NOC4L: variants seen among roughly 807,000 people sequenced by gnomAD.
NOC4L encodes nucleolar complex associated 4 homolog, also known as nucleolar complex protein 4 homolog.
Under a neutral mutation model 62.8 loss-of-function variants are expected in NOC4L, and 40 were observed. The observed-to-expected ratio is 0.64, with a 90% CI of 0.49 to 0.83. The LOEUF is 0.83. Ranked by LOEUF, NOC4L falls within the 40% of genes least tolerant of loss-of-function variation. The pLI is 0.00. For missense variants in NOC4L, 927 were observed against 701.9 expected (o/e 1.32, Z -3.62); for synonymous variants, 433 against 299.8 (o/e 1.44, Z -4.59).
chr12:132,151,074 C>A, intron 10 of NOC4L, 33 bp downstream of exon 10: 2 of 1,581,128 alleles, frequency 1.3e-6, no homozygotes, highest in Non-Finnish European at 1.7e-6. Flanking sequence ...GTCTTCTTCC[C>A]AGTCTGCCCA....
intron 9 of NOC4L, 41 bp downstream of exon 9, chr12:132,148,936 CT>C: frequency 1.8e-6 from 1 of 550,902 alleles, no homozygotes; most frequent in South Asian, 2.3e-5. Context: ...CCCTAATCCC[CT>C]CGGTGAGTGC....
chr12:132,148,536 G>A (rs1330169702), intron 7 of NOC4L, 73 bp from the exon 8 acceptor site: 5 of 1,508,110 alleles, frequency 3.3e-6, no homozygotes, highest in Non-Finnish European at 4.5e-6. Flanking sequence ...TGGGCTTCGG[G>A]GTGCCCTGGC....
At position 132,147,870 on chromosome 12, in the gene NOC4L, G is replaced by A. The variant is rs531572514; in HGVS notation, c.604-10G>A. The A allele has an allele frequency of 1.9e-6, 3 of 1,609,546 alleles. No individual in the cohort carries two copies. The highest frequency in any genetic ancestry group is 2.5e-6 in the Non-Finnish European group (3 of 1,179,592). ...GGGCGGCGTCCAGGCACTCAGGCCA[G>A]GCTCCGCAGGTGCCCCCCGCCTTTT... On this transcript the variant is annotated splice_polypyrimidine_tract_variant and intron_variant, in intron 5 of 14. Transcript: ENST00000330579.
chr12:132,151,891 C>G, intron 13 of NOC4L, 71 bp downstream of exon 13: 1 of 1,468,856 alleles, frequency 6.8e-7, no homozygotes, highest in Non-Finnish European at 9.4e-7. Context: ...CCCAGCTCCC[C>G]GTGCCACCTC....
chr12:132,151,192 C>G, intron 10 of NOC4L, 66 bp from the exon 11 acceptor site: 1 of 1,476,936 alleles, frequency 6.8e-7, no homozygotes, highest in African/African-American at 1.4e-5. Flanking sequence ...CGAGTGAGAC[C>G]CTGGCCTTGG....
chr12:132,146,262 T>C (rs901541330), intron 3 of NOC4L: 2 of 455,954 alleles, frequency 4.4e-6, no homozygotes, highest in African/African-American at 4.0e-5. Context: ...AGGGGGATCA[T>C]ACGGTATGTG....
At chr12:132,144,720 G>A (rs1365691460) in intron 1 of NOC4L, 115 bp downstream of exon 1, 26 of 1,460,716 alleles carry the variant, frequency 1.8e-5, no homozygotes, top group East Asian at 1.2e-4. Context: ...GGTCAGGGTG[G>A]GAGGCGTGTG....
rs1189440558 is a variant in NOC4L at position 132,145,407 on chromosome 12, AGCACAGGTCTGGGGGCC to A, written c.239-151_239-135del. 8.5e-6 allele frequency: 5 copies of A among 585,262 alleles called. No individual in the cohort carries two copies. In the African/African-American group the frequency reaches 9.3e-5, roughly 11 times the overall value. The allele number at this position is 585,262 out of a possible 1,614,324, so 36.3% of individuals were successfully genotyped here. On this transcript the variant is annotated intron_variant, in intron 2 of 14. Coordinates refer to ENST00000330579, the MANE Select transcript of NOC4L (RefSeq NM_024078.3). The stretch of plus-strand genomic sequence containing the variant: ...AGGGCTCAGGGAATGTGCTGGTCTC[AGCACAGGTCTGGGGGCC>A]TTAGCGACCTGTTTCCACCTGCGGA...
At chr12:132,147,419 C>T (rs1200633032) in intron 4 of NOC4L, 31 bp downstream of exon 4, 24 of 1,519,206 alleles carry the variant, frequency 1.6e-5, no homozygotes, top group Non-Finnish European at 2.1e-5. Flanking sequence ...TCCCAGAGGG[C>T]CTGGCTGGCT....
intron 12 of NOC4L, 40 bp downstream of exon 12, chr12:132,151,684 G>GC (rs1464277448): frequency 2.5e-6 from 4 of 1,611,666 alleles, no homozygotes; most frequent in Non-Finnish European, 3.4e-6. Context: ...TGGAGCTGGG[G>GC]CGGGGGTGCC....
rs751279043 is a variant in NOC4L, at chr12:132,151,062, A to G, written c.962+21A>G. 6.2e-7 allele frequency: 1 copy of G among 1,603,362 alleles called. No homozygotes were observed. Among genetic ancestry groups the G allele is most frequent in the South Asian group, 1.1e-5 (1 of 89,854 alleles). On this transcript the variant is annotated intron_variant, in intron 10 of 14. Coordinates refer to ENST00000330579, the MANE Select transcript of NOC4L (RefSeq NM_024078.3). ...AACCTGTGAGTGTCACCAGGGGTGC[A>G]GGTCTTCTTCCCAGTCTGCCCAGCC...
In NOC4L at chr12:132,144,951, C is replaced by T. The variant is rs374684182; in HGVS notation, c.215C>T (p.Pro72Leu). ...ERGELFVGQL[P>L]SEEMVMTGSQ... ...GGAGAGCTGTTTGTGGGCCAGCTGC[C>T]CTCTGAGGAGATGGTCATGACAGGT... is the stretch of plus-strand genomic sequence containing the variant. Residue 72 changes from proline to leucine, a missense_variant, in exon 2 of 15, where the codon CCC becomes CTC. Pro to Leu is a moderately conservative substitution (Grantham distance 98, BLOSUM62 -3). Coordinates refer to ENST00000330579, the MANE Select transcript of NOC4L (RefSeq NM_024078.3). 165 of 1,600,166 alleles carry T rather than the reference C, an allele frequency of 1.0e-4. No individual in the cohort carries two copies. The highest frequency in any genetic ancestry group is 1.3e-4 in the Non-Finnish European group (157 of 1,174,360).
intron 9 of NOC4L, 27 bp from the exon 10 acceptor site, chr12:132,150,954 C>G: frequency 6.3e-7 from 1 of 1,580,266 alleles, no homozygotes; most frequent in Non-Finnish European, 8.6e-7. Flanking sequence ...GTCACTGCAG[C>G]TCCAGCCTGT....
At chr12:132,147,565 G>A (rs1897770045) in intron 4 of NOC4L, 68 bp from the exon 5 acceptor site, 5 of 1,570,470 alleles carry the variant, frequency 3.2e-6, no homozygotes, top group East Asian at 2.3e-5. Flanking sequence ...ATGGGGCAGG[G>A]CTGCCTGCCT....
chr12:132,150,881 G>C (rs1897908641), intron 9 of NOC4L, 100 bp from the exon 10 acceptor site: 1 of 849,336 alleles, frequency 1.2e-6, no homozygotes, highest in Admixed American at 2.1e-5. Flanking sequence ...GGGGACAGCA[G>C]GGGCAGAGGC....
In NOC4L at chr12:132,145,600, C is replaced by T. The variant is rs1897684439; in HGVS notation, c.280C>T (p.His94Tyr). Residue 94 changes from histidine (H) to tyrosine (Y), a missense_variant, in exon 3 of 15, where the codon CAC (histidine) becomes TAC (tyrosine). Physicochemically the swap from His to Tyr is moderately conservative, Grantham distance 83. Coordinates refer to ENST00000330579, the MANE Select transcript of NOC4L (RefSeq NM_024078.3). ...ACGGAAGTACAAGGTGTGGATGAGACACCGCTATCACAGCTGCTGCAATCG... is the reference window on the plus strand; with the variant it reads ...ACGGAAGTACAAGGTGTGGATGAGATACCGCTATCACAGCTGCTGCAATCG... The part of the protein sequence containing the change: ...ATRKYKVWMR[H>Y]RYHSCCNRLG... 1 of 1,613,362 alleles carries T rather than the reference C, an allele frequency of 6.2e-7. No homozygotes were observed. The highest frequency in any genetic ancestry group is 1.1e-5 in the South Asian group (1 of 91,078).
At chr12:132,151,938 T>G (rs1014538740) in intron 13 of NOC4L, 118 bp downstream of exon 13, 1 of 1,243,144 alleles carries the variant, frequency 8.0e-7, no homozygotes, top group African/African-American at 1.5e-5. Context: ...GCTGGCCACC[T>G]GGGTTTGTGG....
rs111793692 is a variant in NOC4L, at chr12:132,151,530, C to T, written c.1120C>T (p.Arg374Cys). 1.2e-5 allele frequency: 19 copies of T among 1,607,862 alleles called. No homozygotes were observed. The highest frequency in any genetic ancestry group is 3.3e-5 in the South Asian group (3 of 90,930). Residue 374 changes from arginine (R) to cysteine (C), a missense_variant, in exon 12 of 15, where the codon CGC becomes TGC. By Grantham distance (180) the Arg-to-Cys change is radical. Coordinates refer to ENST00000330579, the MANE Select transcript of NOC4L (RefSeq NM_024078.3). ...GGCCGCCTTCGCCAAGCGGCTGGCCCGCCTGGCCCTGACGGCTCCCCCTGA... is the reference window on the plus strand; with the variant it reads ...GGCCGCCTTCGCCAAGCGGCTGGCCTGCCTGGCCCTGACGGCTCCCCCTGA... ...LVAAFAKRLA[R>C]LALTAPPEAL...
At chr12:132,148,921 C>G (rs566157309) in intron 9 of NOC4L, 26 bp downstream of exon 9, 1 of 847,890 alleles carries the variant, frequency 1.2e-6, no homozygotes, top group South Asian at 1.9e-5. Context: ...TCGCTCACAC[C>G]ACACCCCTAA....
Sources: allele counts gnomAD v4.1 joint callset, GRCh38; gene constraint gnomAD v4.1.1; transcripts MANE v1.5; gene names NCBI Gene and HGNC (gene_info 2026-07-23, HGNC 2026-07-21).